The following DKK2 variants were observed in gnomAD, a reference collection of about 807,000 sequenced individuals.
DKK2 encodes dickkopf Wnt signaling pathway inhibitor 2, also known as dickkopf-related protein 2.
Under a neutral mutation model 28.1 loss-of-function variants are expected in DKK2, and 11 were observed. That is an observed-to-expected ratio of 0.39 (90% CI 0.25 to 0.65). The LOEUF (loss-of-function observed/expected upper bound fraction) is 0.65, where lower values mean the gene tolerates loss of function less well. Among genes scored for constraint, DKK2 ranks in the 30% least tolerant of loss-of-function variants. DKK2 has a pLI of 0.47. For missense variants in DKK2, 326 were observed against 335.5 expected (o/e 0.97, Z 0.22); for synonymous variants, 135 against 126.5 (o/e 1.07, Z -0.45).
intron 1 of DKK2, among the ~76,000 whole-genome samples, chr4:106,998,800 T>C (rs1199225802): frequency 2.6e-5 from 4 of 152,202 alleles, no homozygotes; most frequent in Admixed American, 6.5e-5. Flanking sequence ...TACTGGGGAA[T>C]ATATTAGGAA....
At chr4:106,944,038 G>A (rs976318866) in intron 1 of DKK2, among the ~76,000 whole-genome samples, 4 of 151,898 alleles carry the variant, frequency 2.6e-5, no homozygotes, top group African/African-American at 4.8e-5. Context: ...AAGCACCATC[G>A]CTATGAGGTG....
chr4:106,971,424 T>C (rs1309221669), intron 1 of DKK2, among the ~76,000 whole-genome samples: 1 of 152,060 alleles, frequency 6.6e-6, no homozygotes. Context: ...GAAATAACTG[T>C]AAGATTAATG....
chr4:106,959,015 G>A (rs1350514882), intron 1 of DKK2, among the ~76,000 whole-genome samples: 1 of 151,678 alleles, frequency 6.6e-6, no homozygotes, highest in Non-Finnish European at 1.5e-5. Context: ...GATAAGAAAG[G>A]TTAATATATG....
chr4:106,934,178 A>G (rs2110341143), intron 1 of DKK2, among the ~76,000 whole-genome samples: 1 of 152,234 alleles, frequency 6.6e-6, no homozygotes, highest in South Asian at 2.1e-4. Context: ...GAGACCAGAC[A>G]AGATCAAGAA....
intron 1 of DKK2, among the ~76,000 whole-genome samples, chr4:106,926,162 G>C (rs1028997349): frequency 6.6e-6 from 1 of 152,196 alleles, no homozygotes; most frequent in Admixed American, 6.5e-5. Flanking sequence ...CAAAGATAAA[G>C]CTGACGCTGT....
intron 1 of DKK2, among the ~76,000 whole-genome samples, chr4:106,959,559 T>C (rs540377721): frequency 6.6e-6 from 1 of 152,234 alleles, no homozygotes; most frequent in East Asian, 1.9e-4. Flanking sequence ...TCAAAATTTG[T>C]AAACTTCCCA....
chr4:106,959,809 G>T (rs926927507), intron 1 of DKK2, among the ~76,000 whole-genome samples: 8 of 151,758 alleles, frequency 5.3e-5, no homozygotes, highest in Non-Finnish European at 7.4e-5. Context: ...CTCCCTTGGG[G>T]TGTATAAATA....
At chr4:107,005,055 A>T (rs1006678287) in intron 1 of DKK2, among the ~76,000 whole-genome samples, 2 of 152,162 alleles carry the variant, frequency 1.3e-5, no homozygotes, top group African/African-American at 4.8e-5. Flanking sequence ...TGGACTTCTG[A>T]CATATATAAG....
At chr4:107,025,708 G>C (rs1723768828) in intron 1 of DKK2, among the ~76,000 whole-genome samples, 1 of 152,154 alleles carries the variant, frequency 6.6e-6, no homozygotes, top group South Asian at 2.1e-4. Context: ...GAAAAAGTGA[G>C]CAACAACAAT....
At chr4:106,950,587 C>A (rs113079069) in intron 1 of DKK2, among the ~76,000 whole-genome samples, 93 of 152,170 alleles carry the variant, frequency 6.1e-4, no homozygotes, top group African/African-American at 2.1e-3. Flanking sequence ...TACTACTTGT[C>A]CTTGGCTTAC....
intron 1 of DKK2, among the ~76,000 whole-genome samples, chr4:107,029,460 G>T (rs907310606): frequency 1.3e-5 from 2 of 152,112 alleles, no homozygotes; most frequent in African/African-American, 4.8e-5. Flanking sequence ...CTGCCTAGAG[G>T]ATCAAAAGAG....
chr4:106,952,447 T>G (rs913375225), intron 1 of DKK2, among the ~76,000 whole-genome samples: 2 of 152,180 alleles, frequency 1.3e-5, no homozygotes, highest in African/African-American at 4.8e-5. Flanking sequence ...CCATAGAAAC[T>G]GGCATCTTGA....
At chr4:107,024,726 G>A (rs539729907) in intron 1 of DKK2, among the ~76,000 whole-genome samples, 1 of 152,196 alleles carries the variant, frequency 6.6e-6, no homozygotes, top group East Asian at 1.9e-4. Context: ...TTACTATTAT[G>A]ACAACCATTT....
chr4:106,986,841 A>C (rs2110360304), intron 1 of DKK2, among the ~76,000 whole-genome samples: 1 of 152,326 alleles, frequency 6.6e-6, no homozygotes, highest in South Asian at 2.1e-4. Flanking sequence ...TATATCACAG[A>C]GCTGCTAGCT....
At chr4:107,033,915 T>A (rs1335845548) in intron 1 of DKK2, among the ~76,000 whole-genome samples, 1 of 152,176 alleles carries the variant, frequency 6.6e-6, no homozygotes, top group African/African-American at 2.4e-5. Flanking sequence ...CGTAGGCATG[T>A]GCACGTGTGT....
intron 1 of DKK2, among the ~76,000 whole-genome samples, chr4:106,949,038 C>T (rs530460628): frequency 6.6e-6 from 1 of 152,232 alleles, no homozygotes; most frequent in Non-Finnish European, 1.5e-5. Flanking sequence ...TTTCTTTGCC[C>T]TTTCCCTTTG....
intron 1 of DKK2, among the ~76,000 whole-genome samples, chr4:106,963,669 C>T (rs1374463070): frequency 5.3e-5 from 8 of 152,080 alleles, no homozygotes; most frequent in African/African-American, 1.7e-4. Context: ...CCAGTAATCC[C>T]ACTGCTGGGT....
intron 1 of DKK2, among the ~76,000 whole-genome samples, chr4:106,983,602 G>A (rs191854017): frequency 2.9e-4 from 44 of 152,182 alleles, no homozygotes; most frequent in Admixed American, 2.6e-3. Flanking sequence ...AAAAAACATC[G>A]TAAATCATAC....
chr4:106,950,374 C>T (rs1257327980), intron 1 of DKK2, among the ~76,000 whole-genome samples: 1 of 152,078 alleles, frequency 6.6e-6, no homozygotes, highest in East Asian at 1.9e-4. Flanking sequence ...GCATTGCTGC[C>T]ACTCTATTCC....
Sources: allele counts gnomAD v4.1 joint callset (sites outside exome capture counted in the v4.1 genomes callset), GRCh38; gene constraint gnomAD v4.1.1; transcripts MANE v1.5; gene names NCBI Gene and HGNC (gene_info 2026-07-23, HGNC 2026-07-21).